LYPD6B: variants seen among roughly 807,000 people sequenced by gnomAD.
LYPD6B encodes ly6/PLAUR domain-containing protein 6B.
A neutral mutation model predicts 22.8 loss-of-function variants in LYPD6B; 17 were observed. That is an observed-to-expected ratio of 0.75 (90% CI 0.51 to 1.12). The LOEUF is 1.12. Ranked by LOEUF, LYPD6B falls within the 50% of genes most tolerant of loss-of-function variation. The pLI, the probability that LYPD6B is intolerant of heterozygous loss-of-function variation, is 0.00. For missense variants in LYPD6B, 221 were observed against 258.3 expected, an observed-to-expected ratio of 0.86 and a Z score of 0.99; for synonymous variants, 106 against 91.6, an observed-to-expected ratio of 1.16 and a Z score of -0.90.
chr2:149,213,010 C>T lies in LYPD6B; in HGVS notation c.347C>T (p.Thr116Ile). 3 of 1,613,916 alleles carry T rather than the reference C, an allele frequency of 1.9e-6. No individual in the cohort carries two copies. Among genetic ancestry groups the T allele is most frequent in the Non-Finnish European group, 1.7e-6 (2 of 1,179,840 alleles). The change falls in exon 6 of 7, where the codon ACA becomes ATA. Residue 116 changes from threonine to isoleucine, a missense_variant. Transcript: ENST00000409642. ...TGCCTAGATACACAGTACTGTTTGA[C>T]AGTTCATCACTTCACCAGCCACGGA... ...WCPQNTQYCL[T>I]VHHFTSHGRS...
At chr2:149,090,138 A>C (rs148039528) in intron 1 of LYPD6B, among the ~76,000 whole-genome samples, 1,553 of 152,282 alleles carry the variant, frequency 0.01, 67 homozygotes, top group Admixed American at 0.076. Flanking sequence ...TACTGCAGTG[A>C]GGATTTTGTG....
chr2:149,064,384 C>T (rs1474822551), intron 1 of LYPD6B, among the ~76,000 whole-genome samples: 1 of 152,130 alleles, frequency 6.6e-6, no homozygotes, highest in East Asian at 1.9e-4. Flanking sequence ...GTAGCATTTG[C>T]CACTAAAACC....
intron 2 of LYPD6B, among the ~76,000 whole-genome samples, chr2:149,147,626 C>T (rs1689107660): frequency 2.0e-5 from 3 of 152,056 alleles, no homozygotes; most frequent in African/African-American, 7.2e-5. Context: ...TGATTCTCCC[C>T]CTGCAGCCTC....
At chr2:149,120,376 TA>T (rs1559009958) in intron 1 of LYPD6B, among the ~76,000 whole-genome samples, 16 of 45,532 alleles carry the variant, frequency 3.5e-4, no homozygotes, top group African/African-American at 7.6e-4. Context: ...TATATATATA[TA>T]TATATATTTT....
intron 1 of LYPD6B, among the ~76,000 whole-genome samples, chr2:149,091,027 G>A (rs543953926): frequency 1.3e-5 from 2 of 152,118 alleles, no homozygotes; most frequent in African/African-American, 4.8e-5. Context: ...AATGTTCAAA[G>A]TGTGATTATA....
At chr2:149,072,057 G>C (rs1163105188) in intron 1 of LYPD6B, among the ~76,000 whole-genome samples, 1 of 151,970 alleles carries the variant, frequency 6.6e-6, no homozygotes, top group Non-Finnish European at 1.5e-5. Context: ...TCAGCCTCCT[G>C]AGTAGTTGGG....
chr2:149,168,617 C>T (rs371608719), intron 3 of LYPD6B, among the ~76,000 whole-genome samples: 1 of 152,124 alleles, frequency 6.6e-6, no homozygotes, highest in Non-Finnish European at 1.5e-5. Context: ...AGCTGTGGCT[C>T]CCCATGCCTG....
intron 3 of LYPD6B, among the ~76,000 whole-genome samples, chr2:149,204,315 C>T (rs1034582957): frequency 6.6e-6 from 1 of 152,200 alleles, no homozygotes; most frequent in Admixed American, 6.5e-5. Context: ...CCAAAGTCTT[C>T]GGGTTCCCGG....
chr2:149,143,405 G>A (rs1276591032), intron 2 of LYPD6B, among the ~76,000 whole-genome samples: 3 of 150,264 alleles, frequency 2.0e-5, no homozygotes, highest in Non-Finnish European at 2.9e-5. Context: ...GTTCTTCTTG[G>A]TCTTCCTATG....
chr2:149,111,220 G>C (rs1686743479), intron 1 of LYPD6B, among the ~76,000 whole-genome samples: 1 of 151,136 alleles, frequency 6.6e-6, no homozygotes, highest in South Asian at 2.1e-4. Context: ...TTTATTAAAA[G>C]GGGGATGGAA....
At chr2:149,146,364 G>T (rs1332341527) in intron 2 of LYPD6B, among the ~76,000 whole-genome samples, 1 of 152,020 alleles carries the variant, frequency 6.6e-6, no homozygotes, top group East Asian at 1.9e-4. Context: ...GGAGGAAGGG[G>T]CACTGTAGGG....
intron 3 of LYPD6B, among the ~76,000 whole-genome samples, chr2:149,188,279 C>G (rs968093553): frequency 3.9e-5 from 6 of 152,142 alleles, no homozygotes; most frequent in African/African-American, 1.4e-4. Context: ...TCAGAGGTGT[C>G]AGATTCTGGA....
At chr2:149,098,418 A>T (rs549242899) in intron 1 of LYPD6B, among the ~76,000 whole-genome samples, 1 of 152,182 alleles carries the variant, frequency 6.6e-6, no homozygotes, top group African/African-American at 2.4e-5. Flanking sequence ...TGAGGTCAGG[A>T]GTTCAAGACC....
chr2:149,147,630 C>A (rs1689108134), intron 2 of LYPD6B, among the ~76,000 whole-genome samples: 1 of 152,158 alleles, frequency 6.6e-6, no homozygotes, highest in Non-Finnish European at 1.5e-5. Context: ...TCTCCCCCTG[C>A]AGCCTCTGGA....
chr2:149,205,984 G>A (rs1259392620), intron 4 of LYPD6B: 2 of 466,472 alleles, frequency 4.3e-6, no homozygotes, highest in East Asian at 7.0e-5. Context: ...ATATGTGTTT[G>A]TATACATATG....
chr2:149,205,462 A>T (rs1269054512), intron 4 of LYPD6B, 58 bp downstream of exon 4: 2 of 1,539,830 alleles, frequency 1.3e-6, no homozygotes, highest in African/African-American at 1.4e-5. Context: ...TGTTAATATG[A>T]AGCCCCCTTT....
chr2:149,123,926 C>T (rs925483381), intron 1 of LYPD6B, among the ~76,000 whole-genome samples: 4 of 152,242 alleles, frequency 2.6e-5, no homozygotes, highest in South Asian at 2.1e-4. Context: ...CGCAAGAATT[C>T]GTGAAGTTTT....
chr2:149,145,148 C>T (rs1688938629), intron 2 of LYPD6B, among the ~76,000 whole-genome samples: 1 of 152,120 alleles, frequency 6.6e-6, no homozygotes, highest in Non-Finnish European at 1.5e-5. Flanking sequence ...GAATTAAAAT[C>T]AGTACCACTG....
intron 3 of LYPD6B, among the ~76,000 whole-genome samples, chr2:149,161,253 G>A (rs190621981): frequency 2.6e-5 from 4 of 152,274 alleles, no homozygotes; most frequent in South Asian, 2.1e-4. Context: ...GAACATGTGT[G>A]CACTAATTAT....
Sources: gnomAD v4.1 joint callset for allele counts (sites outside exome capture counted in the v4.1 genomes callset) on GRCh38, gnomAD v4.1.1 for gene constraint, MANE v1.5 for transcripts, NCBI Gene and HGNC (gene_info 2026-07-23, HGNC 2026-07-21) for gene names.